Variants in SYN3 observed in about 807,000 individuals in gnomAD.
The protein encoded by SYN3 is synapsin-3.
A neutral mutation model predicts 65.8 loss-of-function variants in SYN3; 35 were observed. The observed-to-expected ratio is 0.53, with a 90% CI of 0.41 to 0.70. The LOEUF (loss-of-function observed/expected upper bound fraction) is 0.70. Among genes scored for constraint, SYN3 ranks in the 30% least tolerant of loss-of-function variants. The probability of loss-of-function intolerance (pLI) is 0.00; values close to 1 mark genes in which losing one functional copy is unlikely to be tolerated. For synonymous variants in SYN3, 270 were observed against 292.9 expected (o/e 0.92, Z 0.80); for missense variants, 680 against 749.0 (o/e 0.91, Z 1.08).
At position 32,817,508 on chromosome 22, in the gene SYN3, C is replaced by T. The variant is rs73158321; in HGVS notation, c.711+47407G>A. Among the ~76,000 whole-genome samples, 537 of 152,284 alleles carry T rather than the reference C, an allele frequency of 3.5e-3. 4 individuals carry two copies. The highest frequency in any genetic ancestry group is 5.2e-3 in the South Asian group (25 of 4,822). On this transcript the variant is annotated intron_variant, in intron 6 of 13. Coordinates refer to ENST00000358763, the MANE Select transcript of SYN3 (RefSeq NM_003490.4). The stretch of plus-strand genomic sequence containing the variant: ...TAGGGAAGAAGAAATTAGGAAGTAT[C>T]ATCTGCATTACACAGGGAAGCTGCT...
At chr22:32,843,741 G>T (rs1569269554) in intron 6 of SYN3, among the ~76,000 whole-genome samples, 1 of 152,158 alleles carries the variant, frequency 6.6e-6, no homozygotes, top group African/African-American at 2.4e-5. Context: ...GAGCCTGCCT[G>T]CTGGGGTCCC....
At chr22:32,764,983 C>G (rs2045585417) in intron 6 of SYN3, among the ~76,000 whole-genome samples, 1 of 151,976 alleles carries the variant, frequency 6.6e-6, no homozygotes, top group African/African-American at 2.4e-5. Context: ...GTTCCCCACC[C>G]CCACCCTCTT....
chr22:33,041,877 C>A (rs1007702668), intron 1 of SYN3, among the ~76,000 whole-genome samples: 2 of 152,166 alleles, frequency 1.3e-5, no homozygotes, highest in African/African-American at 4.8e-5. Context: ...CAAAGGAAAG[C>A]TCAAACCTCT....
chr22:32,830,893 G>A (rs1170815124), intron 6 of SYN3, among the ~76,000 whole-genome samples: 4 of 152,294 alleles, frequency 2.6e-5, no homozygotes, highest in Middle Eastern at 3.4e-3. Context: ...AGAACACCGC[G>A]ATCTGCTGGC....
At chr22:32,892,782 G>A (rs2146484281) in intron 4 of SYN3, among the ~76,000 whole-genome samples, 1 of 152,284 alleles carries the variant, frequency 6.6e-6, no homozygotes, top group African/African-American at 2.4e-5. Context: ...TTGTCCCTGG[G>A]TTATCAGGGA....
intron 6 of SYN3, among the ~76,000 whole-genome samples, chr22:32,781,238 A>C (rs1370511272): frequency 6.6e-6 from 1 of 152,096 alleles, no homozygotes; most frequent in Non-Finnish European, 1.5e-5. Flanking sequence ...CTCACTGGGA[A>C]GTGCCATCTT....
chr22:32,561,934 A>C (rs2058592425), intron 7 of SYN3, among the ~76,000 whole-genome samples: 1 of 152,138 alleles, frequency 6.6e-6, no homozygotes, highest in Non-Finnish European at 1.5e-5. Context: ...CTTGATTTCT[A>C]CTAGGTGATA....
chr22:32,733,093 A>G (rs1012985331), intron 6 of SYN3, among the ~76,000 whole-genome samples: 3 of 152,206 alleles, frequency 2.0e-5, no homozygotes, highest in African/African-American at 4.8e-5. Flanking sequence ...CACTTGGAGA[A>G]TTGGCTGATC....
At chr22:32,539,284 G>A (rs1171820832) in intron 8 of SYN3, among the ~76,000 whole-genome samples, 1 of 151,368 alleles carries the variant, frequency 6.6e-6, no homozygotes, top group Non-Finnish European at 1.5e-5. Context: ...ACCATTCTGA[G>A]ACTGGGCACA....
At chr22:32,841,334 C>T (rs1453376710) in intron 6 of SYN3, among the ~76,000 whole-genome samples, 2 of 152,078 alleles carry the variant, frequency 1.3e-5, no homozygotes, top group African/African-American at 4.8e-5. Flanking sequence ...TGTCAGGGGC[C>T]AAGGGATTGC....
chr22:32,670,108 G>C (rs1237052351), intron 6 of SYN3, among the ~76,000 whole-genome samples: 10 of 152,144 alleles, frequency 6.6e-5, no homozygotes, highest in African/African-American at 2.4e-4. Flanking sequence ...TTGGGCCTCT[G>C]TTACTTATAC....
chr22:32,917,008 G>C (rs1477138627), intron 4 of SYN3, among the ~76,000 whole-genome samples: 1 of 152,170 alleles, frequency 6.6e-6, no homozygotes, highest in Non-Finnish European at 1.5e-5. Context: ...GCTCATCTCA[G>C]GGAGCAGGGA....
intron 1 of SYN3, among the ~76,000 whole-genome samples, chr22:33,028,904 G>C (rs1007337548): frequency 4.0e-4 from 61 of 152,234 alleles, no homozygotes; most frequent in African/African-American, 1.5e-3. Context: ...GCCGGGCGTG[G>C]TGGCGGGCGC....
chr22:32,517,290 T>C (rs993615700), intron 13 of SYN3, among the ~76,000 whole-genome samples: 9 of 152,230 alleles, frequency 5.9e-5, no homozygotes, highest in African/African-American at 2.2e-4. Flanking sequence ...ACTTTCTCCC[T>C]TTTTAAAAGC....
chr22:32,956,087 G>C (rs986819343), intron 3 of SYN3, among the ~76,000 whole-genome samples: 5 of 132,022 alleles, frequency 3.8e-5, no homozygotes, highest in Admixed American at 1.5e-4. Context: ...TTCTGTCCCT[G>C]TAGAGAACCC....
intron 6 of SYN3, among the ~76,000 whole-genome samples, chr22:32,720,800 C>T (rs1191761340): frequency 1.3e-5 from 2 of 152,148 alleles, no homozygotes; most frequent in Non-Finnish European, 2.9e-5. Flanking sequence ...GGCGCCCAGG[C>T]CTAAAAAGAA....
At chr22:32,781,679 TTATTAA>T (rs1290546969) in intron 6 of SYN3, among the ~76,000 whole-genome samples, 3 of 150,438 alleles carry the variant, frequency 2.0e-5, no homozygotes, top group Middle Eastern at 3.2e-3. Flanking sequence ...ATTATTATTA[TTATTAA>T]TATTATTATT....
intron 7 of SYN3, among the ~76,000 whole-genome samples, chr22:32,550,695 A>AAT (rs895361324): frequency 4.1e-5 from 4 of 98,510 alleles, no homozygotes; most frequent in South Asian, 8.0e-4. Flanking sequence ...AAGGCCTAGA[A>AAT]ATGGCAAAAA....
chr22:32,934,088 T>C (rs1431580755), intron 3 of SYN3, among the ~76,000 whole-genome samples: 1 of 152,194 alleles, frequency 6.6e-6, no homozygotes, highest in Non-Finnish European at 1.5e-5. Context: ...GTTATTAAGT[T>C]TAATGCCTTA....
Sources: allele counts gnomAD v4.1 joint callset (sites outside exome capture counted in the v4.1 genomes callset), GRCh38; gene constraint gnomAD v4.1.1; transcripts MANE v1.5; gene names NCBI Gene and HGNC (gene_info 2026-07-23, HGNC 2026-07-21).